Variants in CNTN4 observed in about 807,000 individuals in gnomAD.
The protein encoded by CNTN4 is contactin-4.
In CNTN4, 77 loss-of-function variants were observed where a neutral mutation model predicts 122.5. The ratio of observed to expected loss-of-function variants is 0.63; its 90% CI spans 0.52 to 0.76. The LOEUF is 0.76. CNTN4 is among the 30% of genes least tolerant of loss of function. CNTN4 has a pLI of 0.00. For missense variants in CNTN4, 1,256 were observed against 1,259.1 expected, an observed-to-expected ratio of 1.00 and a Z score of 0.04; for synonymous variants, 512 against 447.0, an observed-to-expected ratio of 1.15 and a Z score of -1.83.
chr3:2,667,168 T>C (rs903483324), intron 4 of CNTN4, among the ~76,000 whole-genome samples: 1 of 152,180 alleles, frequency 6.6e-6, no homozygotes, highest in Admixed American at 6.5e-5. Flanking sequence ...ATCGCCACAC[T>C]AACTTCCACA....
chr3:2,737,236 A>G (rs1395274386), intron 5 of CNTN4, among the ~76,000 whole-genome samples: 3 of 152,122 alleles, frequency 2.0e-5, no homozygotes, highest in African/African-American at 7.2e-5. Flanking sequence ...TTGCACCACC[A>G]TGCCCAGCTA....
chr3:2,410,760 G>C lies in CNTN4; in HGVS notation c.-89+71527G>C, dbSNP rs144323710. On this transcript the variant is annotated intron_variant, in intron 3 of 24. Transcript: ENST00000418658. ...CTGAGACATCAAAAATCAAAGACTA[G>C]ATGAGCTCATTCATGTGAATAAGCT... 2.3e-3 allele frequency among the ~76,000 whole-genome samples: 357 copies of C among 152,264 alleles called. 2 individuals carry two copies. Among genetic ancestry groups the C allele is most frequent in the African/African-American group, 8.2e-3 (339 of 41,556 alleles).
rs2039339391 is a variant in CNTN4, at chr3:2,227,712, T to G, written c.-144-111466T>G. Among the ~76,000 whole-genome samples, 2 of 152,278 alleles carry G rather than the reference T, an allele frequency of 1.3e-5. 1 individual carries two copies. Among genetic ancestry groups the G allele is most frequent in the Middle Eastern group, 6.8e-3 (2 of 294 alleles). On this transcript the variant is annotated intron_variant, in intron 2 of 24. Transcript: ENST00000418658. ...TGTAATTCCATTATAATTAACATTA[T>G]GTAACTGTAGAAATATGGTGTTTGC... is the stretch of plus-strand genomic sequence containing the variant.
In CNTN4 at chr3:2,967,089, G is replaced by C. The variant is rs1692394891; in HGVS notation, c.1359-21256G>C. Among the ~76,000 whole-genome samples the C allele has an allele frequency of 3.9e-5, 6 of 152,284 alleles. 1 individual carries two copies. In the South Asian group the frequency reaches 1.2e-3, roughly 32 times the overall value. On this transcript the variant is annotated intron_variant, in intron 13 of 24. Transcript: ENST00000418658. ...TACTATTACTCAAATCATTCTCCCT[G>C]AGCATTGGGGGATCAGAGTTTTTAA...
chr3:2,624,004 G>A (rs2082087282), intron 4 of CNTN4, among the ~76,000 whole-genome samples: 1 of 152,178 alleles, frequency 6.6e-6, no homozygotes, highest in Admixed American at 6.5e-5. Flanking sequence ...AGCTACAGTG[G>A]CTTTACCACT....
intron 2 of CNTN4, among the ~76,000 whole-genome samples, chr3:2,256,757 G>T (rs1253911676): frequency 1.3e-5 from 2 of 152,136 alleles, no homozygotes; most frequent in Non-Finnish European, 2.9e-5. Flanking sequence ...TCTTCAAGGA[G>T]AACTACAAAC....
chr3:2,869,727 G>T (rs781144677), intron 8 of CNTN4, among the ~76,000 whole-genome samples: 3 of 152,108 alleles, frequency 2.0e-5, no homozygotes, highest in Non-Finnish European at 4.4e-5. Flanking sequence ...GTTTTCATCC[G>T]ACTTTGTACT....
intron 4 of CNTN4, among the ~76,000 whole-genome samples, chr3:2,654,268 T>C (rs964795386): frequency 6.6e-6 from 1 of 152,206 alleles, no homozygotes; most frequent in African/African-American, 2.4e-5. Flanking sequence ...CCAGCCTCTT[T>C]GTTGTTTGTT....
intron 2 of CNTN4, among the ~76,000 whole-genome samples, chr3:2,200,259 C>G (rs2038037125): frequency 6.6e-6 from 1 of 152,052 alleles, no homozygotes; most frequent in African/African-American, 2.4e-5. Context: ...TAAAGATGTG[C>G]TGATGGTTTG....
At chr3:2,702,748 C>T (rs114870242) in intron 4 of CNTN4, among the ~76,000 whole-genome samples, 1,850 of 152,272 alleles carry the variant, frequency 0.012, 26 homozygotes, top group African/African-American at 0.037. Context: ...TTCACGCAAT[C>T]GTTCATGTGC....
At chr3:2,601,385 G>A (rs12488228) in intron 4 of CNTN4, among the ~76,000 whole-genome samples, 1,641 of 152,248 alleles carry the variant, frequency 0.011, 75 homozygotes, top group Admixed American at 0.087. Context: ...TGTATAAGGT[G>A]TAAGGAAGGG....
At chr3:2,394,370 G>A (rs1056742709) in intron 3 of CNTN4, among the ~76,000 whole-genome samples, 21 of 152,144 alleles carry the variant, frequency 1.4e-4, no homozygotes, top group African/African-American at 5.1e-4. Context: ...TGAGACTTAT[G>A]TGGAAAATCT....
chr3:2,650,184 A>T (rs1416419440), intron 4 of CNTN4, among the ~76,000 whole-genome samples: 2 of 151,704 alleles, frequency 1.3e-5, no homozygotes, highest in Non-Finnish European at 2.9e-5. Flanking sequence ...ATTGATTCCA[A>T]CCCTCACGGA....
At chr3:2,961,057 C>T (rs1289198999) in intron 13 of CNTN4, among the ~76,000 whole-genome samples, 1 of 143,916 alleles carries the variant, frequency 6.9e-6, no homozygotes, top group Non-Finnish European at 1.5e-5. Flanking sequence ...GGTGAAACCC[C>T]GTCTCTACTA....
chr3:2,632,535 A>G (rs768707050), intron 4 of CNTN4, among the ~76,000 whole-genome samples: 8 of 152,182 alleles, frequency 5.3e-5, no homozygotes, highest in African/African-American at 7.2e-5. Context: ...TTGCACATTT[A>G]TGTCTCTCTT....
At chr3:2,477,469 CAG>C (rs954139728) in intron 3 of CNTN4, among the ~76,000 whole-genome samples, 2 of 152,072 alleles carry the variant, frequency 1.3e-5, no homozygotes, top group Non-Finnish European at 2.9e-5. Context: ...ACCTTACAAA[CAG>C]AATATTTTTA....
chr3:2,887,168 G>A lies in CNTN4; in HGVS notation c.884G>A (p.Cys295Tyr). Residue 295 changes from cysteine (C) to tyrosine (Y), a missense_variant, in exon 10 of 25, where the codon TGT becomes TAT. Coordinates refer to ENST00000418658, the MANE Select transcript of CNTN4 (RefSeq NM_175607.3). Reference protein sequence around the residue: ...FQQEDAGLYECVAENSRGKNV... With the variant: ...FQQEDAGLYEYVAENSRGKNV... ...CAGGAGGATGCTGGTTTATATGAAT[G>A]TGTAGCTGAAAATTCCAGAGGGAAA... The A allele has an allele frequency of 6.2e-7, 1 of 1,614,102 alleles. No individual in the cohort carries two copies. The highest frequency in any genetic ancestry group is 8.5e-7 in the Non-Finnish European group (1 of 1,180,030).
chr3:2,855,606 T>C (rs1347236764), intron 7 of CNTN4, among the ~76,000 whole-genome samples: 1 of 152,212 alleles, frequency 6.6e-6, no homozygotes, highest in Non-Finnish European at 1.5e-5. Context: ...CATAGAGATG[T>C]CTTATTCAGT....
intron 2 of CNTN4, among the ~76,000 whole-genome samples, chr3:2,197,554 A>G (rs1377893544): frequency 6.6e-6 from 1 of 152,216 alleles, no homozygotes; most frequent in Non-Finnish European, 1.5e-5. Flanking sequence ...ATGGAGACTC[A>G]TAGGCTTTGT....
Sources: gnomAD v4.1 joint callset for allele counts (sites outside exome capture counted in the v4.1 genomes callset) on GRCh38, gnomAD v4.1.1 for gene constraint, MANE v1.5 for transcripts, NCBI Gene and HGNC (gene_info 2026-07-23, HGNC 2026-07-21) for gene names.